The following BCL2L1 variants were observed in gnomAD, a reference collection of about 807,000 sequenced individuals.
The protein encoded by BCL2L1 is BCL2 like 1, also known as bcl-2-like protein 1.
BCL2L1 carries 1 observed loss-of-function variant against 18.7 expected under a neutral mutation model. The observed-to-expected ratio is 0.05, with a 90% confidence interval of 0.02 to 0.25. The LOEUF is 0.25. Among genes scored for constraint, BCL2L1 ranks in the 10% least tolerant of loss-of-function variants. The probability of loss-of-function intolerance (pLI) is 1.00; values close to 1 mark genes in which losing one functional copy is unlikely to be tolerated. For missense variants in BCL2L1, 207 were observed against 304.9 expected (o/e 0.68, Z 2.39); for synonymous variants, 103 against 122.7 (o/e 0.84, Z 1.06).
chr20:31,709,823 A>T (rs1439080444), intron 2 of BCL2L1, among the ~76,000 whole-genome samples: 1 of 144,874 alleles, frequency 6.9e-6, no homozygotes. Flanking sequence ...CAACTGAGCA[A>T]GAGCAAGACT....
intron 2 of BCL2L1, among the ~76,000 whole-genome samples, chr20:31,681,008 G>A (rs893844298): frequency 6.6e-6 from 1 of 152,220 alleles, no homozygotes; most frequent in Non-Finnish European, 1.5e-5. Context: ...AAGGCCCAGA[G>A]GCAGGAACAC....
chr20:31,678,522 G>C (rs898668584), intron 2 of BCL2L1, among the ~76,000 whole-genome samples: 3 of 152,130 alleles, frequency 2.0e-5, no homozygotes, highest in African/African-American at 7.2e-5. Context: ...TCTCTCTCAG[G>C]GGTATCCAAA....
chr20:31,705,329 G>C (rs544048779), intron 2 of BCL2L1, among the ~76,000 whole-genome samples: 7 of 152,158 alleles, frequency 4.6e-5, no homozygotes, highest in Admixed American at 2.0e-4. Flanking sequence ...CTTACAAAAG[G>C]CTCTTAAATC....
intron 2 of BCL2L1, 21 bp from the exon 3 acceptor site, chr20:31,666,107 G>T (rs2060583230): frequency 6.2e-7 from 1 of 1,613,530 alleles, no homozygotes; most frequent in Admixed American, 1.7e-5. Flanking sequence ...AGAGAAGGAA[G>T]GTGCAGTTTT....
chr20:31,684,058 G>A (rs918289950), intron 2 of BCL2L1, among the ~76,000 whole-genome samples: 1 of 152,104 alleles, frequency 6.6e-6, no homozygotes, highest in African/African-American at 2.4e-5. Flanking sequence ...CTTTACAGAG[G>A]AGATATTTGA....
intron 2 of BCL2L1, among the ~76,000 whole-genome samples, chr20:31,666,700 G>T (rs1001824677): frequency 3.3e-5 from 5 of 151,916 alleles, no homozygotes; most frequent in African/African-American, 1.2e-4. Context: ...GGGCAGGTTG[G>T]TGACAAGAAG....
At chr20:31,710,479 T>C (rs910378987) in intron 2 of BCL2L1, among the ~76,000 whole-genome samples, 1 of 152,230 alleles carries the variant, frequency 6.6e-6, no homozygotes, top group Non-Finnish European at 1.5e-5. Context: ...GAGAAAGCTA[T>C]GATTATTTAA....
At chr20:31,688,169 G>A (rs2060993607) in intron 2 of BCL2L1, among the ~76,000 whole-genome samples, 1 of 152,092 alleles carries the variant, frequency 6.6e-6, no homozygotes. Context: ...GATGGCCGGC[G>A]CGGTGGCTCA....
intron 2 of BCL2L1, among the ~76,000 whole-genome samples, chr20:31,704,765 A>G (rs758083527): frequency 2.6e-5 from 4 of 152,154 alleles, no homozygotes; most frequent in Admixed American, 1.3e-4. Flanking sequence ...CACACACCCA[A>G]TCTTCCGTTT....
chr20:31,677,445 A>G (rs1281258221), intron 2 of BCL2L1, among the ~76,000 whole-genome samples: 1 of 152,168 alleles, frequency 6.6e-6, no homozygotes, highest in Non-Finnish European at 1.5e-5. Flanking sequence ...CGGCCCCCCA[A>G]AGTGCTGAGA....
At position 31,682,624 on chromosome 20, in the gene BCL2L1, T is replaced by C. The variant is rs191184205; in HGVS notation, c.565-16538A>G. ...CCATGCCTGGCTAATTTTTTTTTCT[T>C]TTTCTTTTTTTGTAGAGATAAGGTC... On this transcript the variant is annotated intron_variant, in intron 2 of 2. Coordinates refer to ENST00000307677, the MANE Select transcript of BCL2L1 (RefSeq NM_138578.3). 3.8e-3 allele frequency among the ~76,000 whole-genome samples: 572 copies of C among 152,096 alleles called. 2 individuals are homozygous for C. Among genetic ancestry groups the C allele is most frequent in the Non-Finnish European group, 6.0e-3 (409 of 67,980 alleles).
intron 2 of BCL2L1, among the ~76,000 whole-genome samples, chr20:31,706,942 A>T (rs2061376654): frequency 6.6e-6 from 1 of 152,206 alleles, no homozygotes; most frequent in Non-Finnish European, 1.5e-5. Flanking sequence ...GCAAACAAGG[A>T]GTGAGTGGGG....
chr20:31,667,364 G>A (rs1474965541), intron 2 of BCL2L1, among the ~76,000 whole-genome samples: 2 of 151,918 alleles, frequency 1.3e-5, no homozygotes, highest in Non-Finnish European at 2.9e-5. Flanking sequence ...AGGAGGCTGA[G>A]GCACGAGAAT....
intron 2 of BCL2L1, among the ~76,000 whole-genome samples, chr20:31,683,627 G>C (rs2060900345): frequency 6.6e-6 from 1 of 151,878 alleles, no homozygotes; most frequent in Non-Finnish European, 1.5e-5. Context: ...AAATTAGCTG[G>C]GTGTGGTGGC....
At chr20:31,692,024 C>T (rs754340245) in intron 2 of BCL2L1, among the ~76,000 whole-genome samples, 2 of 152,244 alleles carry the variant, frequency 1.3e-5, no homozygotes, top group South Asian at 2.1e-4. Flanking sequence ...TCTGTGTAAA[C>T]CCTACAACAA....
chr20:31,696,293 G>A (rs1001769410), intron 2 of BCL2L1, among the ~76,000 whole-genome samples: 17 of 152,330 alleles, frequency 1.1e-4, no homozygotes, highest in African/African-American at 4.1e-4. Context: ...AAGGCTGCCT[G>A]AGTGTCCTTG....
intron 2 of BCL2L1, among the ~76,000 whole-genome samples, chr20:31,668,136 GC>G (rs1193232185): frequency 6.6e-6 from 1 of 151,950 alleles, no homozygotes; most frequent in Non-Finnish European, 1.5e-5. Flanking sequence ...GCAGGAGTCT[GC>G]TGTTCCTGCT....
At chr20:31,672,530 G>C (rs1255187177) in intron 2 of BCL2L1, among the ~76,000 whole-genome samples, 1 of 152,098 alleles carries the variant, frequency 6.6e-6, no homozygotes, top group Non-Finnish European at 1.5e-5. Flanking sequence ...GGGAGGGAGA[G>C]GAGGGGTGTT....
intron 2 of BCL2L1, among the ~76,000 whole-genome samples, chr20:31,693,404 T>A (rs1348470103): frequency 6.6e-6 from 1 of 151,890 alleles, no homozygotes; most frequent in Non-Finnish European, 1.5e-5. Context: ...GGTATGATCA[T>A]GCCACTGCAC....
Sources: gnomAD v4.1 joint callset for allele counts (sites outside exome capture counted in the v4.1 genomes callset) on GRCh38, gnomAD v4.1.1 for gene constraint, MANE v1.5 for transcripts, NCBI Gene and HGNC (gene_info 2026-07-23, HGNC 2026-07-21) for gene names.